Variants in DLX6 observed in about 807,000 individuals in gnomAD.
DLX6 encodes the protein homeobox protein DLX-6.
DLX6 carries 4 observed loss-of-function variants against 33.5 expected under a neutral mutation model. The ratio of observed to expected loss-of-function variants is 0.12; its 90% CI spans 0.06 to 0.27. The LOEUF is 0.27. Among genes scored for constraint, DLX6 ranks in the 10% least tolerant of loss-of-function variants. The probability of loss-of-function intolerance (pLI) is 1.00; values close to 1 mark genes in which losing one functional copy is unlikely to be tolerated. For missense variants in DLX6, 382 were observed against 393.3 expected, an observed-to-expected ratio of 0.97 and a Z score of 0.24; for synonymous variants, 184 against 164.8, an observed-to-expected ratio of 1.12 and a Z score of -0.89.
chr7:97,007,507 G>A, intron 1 of DLX6, 131 bp from the exon 2 acceptor site: 1 of 822,498 alleles, frequency 1.2e-6, no homozygotes, highest in South Asian at 1.4e-5. Context: ...AGAGAGGTCG[G>A]GGCATCATAG....
rs1476743749 is a variant in DLX6, at chr7:97,006,022, C to T, written c.45C>T (p.Asp15=). 1 of 1,598,102 alleles carries T rather than the reference C, an allele frequency of 6.3e-7. No homozygotes were observed. Among genetic ancestry groups the T allele is most frequent in the South Asian group, 1.1e-5 (1 of 88,272 alleles). ...TGGCTGACGGCTTGGAAGGCCAGGACTCGTCCAAATCCGCCTTCATGGAGT... is the reference window on the plus strand; with the variant it reads ...TGGCTGACGGCTTGGAAGGCCAGGATTCGTCCAAATCCGCCTTCATGGAGT... The part of the protein sequence containing the change: ...TTMADGLEGQ[D]SSKSAFMEFG... The change falls in exon 1 of 3, where the codon GAC becomes GAT. Residue 15 remains aspartate (D), a synonymous_variant. Coordinates refer to ENST00000518156, the MANE Select transcript of DLX6 (RefSeq NM_005222.4).
rs760717278 is a variant in DLX6, at chr7:97,007,768, A to G, written c.567A>G (p.Thr189=). The G allele has an allele frequency of 6.2e-7, 1 of 1,612,384 alleles. No individual in the cohort carries two copies. The highest frequency in any genetic ancestry group is 1.1e-5 in the South Asian group (1 of 90,476). ...LQALNHRFQQ[T]QYLALPERAE... is the part of the protein sequence containing the mutation. ...CTTTAAACCATCGCTTTCAGCAGAC[A>G]CAGTATCTGGCCCTTCCAGAGAGAG... The change falls in exon 2 of 3, where the codon ACA becomes ACG. Residue 189 remains threonine (T), a synonymous_variant. Coordinates refer to ENST00000518156, the MANE Select transcript of DLX6 (RefSeq NM_005222.4).
chr7:97,008,218 G>A (rs1789778969), intron 2 of DLX6, among the ~76,000 whole-genome samples: 1 of 152,174 alleles, frequency 6.6e-6, no homozygotes, highest in South Asian at 2.1e-4. Flanking sequence ...CCTTTTGTAG[G>A]CCCTGGGAAC....
chr7:97,009,785 A>G lies in DLX6; in HGVS notation c.631-11A>G. 6.2e-7 allele frequency: 1 copy of G among 1,611,562 alleles called. No homozygotes were observed. The highest frequency in any genetic ancestry group is 1.1e-5 in the South Asian group (1 of 91,042). On this transcript the variant is annotated splice_polypyrimidine_tract_variant and intron_variant, in intron 2 of 2. Transcript: ENST00000518156. ...TGTTTATGGGCCTAATGATTGCTGCATTTCTTGCAGGTGAAGATATGGTTT... is the reference window on the plus strand; with the variant it reads ...TGTTTATGGGCCTAATGATTGCTGCGTTTCTTGCAGGTGAAGATATGGTTT...
chr7:97,006,547 C>T (rs1789737254), intron 1 of DLX6, 134 bp downstream of exon 1: 5 of 956,838 alleles, frequency 5.2e-6, no homozygotes, highest in Non-Finnish European at 5.3e-6. Context: ...CTTGGCCGGG[C>T]CCCGTGCGCG....
Position 97,005,797 on chromosome 7 carries a change from A to T in DLX6, c.-181A>T. 2.2e-6 allele frequency: 1 copy of T among 448,762 alleles called. No individual in the cohort carries two copies. Among genetic ancestry groups the T allele is most frequent in the South Asian group, 4.5e-5 (1 of 22,404 alleles). The allele number at this position is 448,762 out of a possible 1,614,324, so 27.8% of individuals were successfully genotyped here. On this transcript the variant is annotated 5_prime_UTR_variant, in exon 1 of 3. Coordinates refer to ENST00000518156, the MANE Select transcript of DLX6 (RefSeq NM_005222.4). ...TATTAAATATATATATATATTAGAG[A>T]AGAGCGAGGGAGAGGGAGAACCACC...
At chr7:97,006,742 C>T (rs1446561963) in intron 1 of DLX6, 2 of 155,036 alleles carry the variant, frequency 1.3e-5, no homozygotes. Context: ...CTTGCTCCTT[C>T]CCTCCAGGCT....
chr7:97,005,867 T>TTTTTTAG lies in DLX6; in HGVS notation c.-111_-110insTTTTTAG. On this transcript the variant is annotated 5_prime_UTR_variant, in exon 1 of 3. Coordinates refer to ENST00000518156, the MANE Select transcript of DLX6 (RefSeq NM_005222.4). ...TCTTTTTTTTTTTTTTTTTTTTTTT[T>TTTTTTAG]GCAAGGATCCAAAGAGCTAAGGTGG... 1 of 252,440 alleles carries TTTTTTAG rather than the reference T, an allele frequency of 4.0e-6. No homozygotes were observed. Among genetic ancestry groups the TTTTTTAG allele is most frequent in the East Asian group, 5.3e-5 (1 of 18,956 alleles). 15.6% of individuals were successfully genotyped at this position (252,440 alleles called of 1,614,324 possible).
chr7:97,007,075 G>C lies in DLX6; in HGVS notation c.437-563G>C, dbSNP rs977626482. ...GCTGATGGTTCTCAGCACCCGAGGG[G>C]GACAAAGTTGCCGTGAGAGGCGCAG... On this transcript the variant is annotated intron_variant, in intron 1 of 2. Coordinates refer to ENST00000518156, the MANE Select transcript of DLX6 (RefSeq NM_005222.4). 6 of 168,612 alleles carry C rather than the reference G, an allele frequency of 3.6e-5. No homozygotes were observed. In the East Asian group the frequency reaches 1.0e-3, roughly 29 times the overall value. 10.4% of individuals were successfully genotyped at this position (168,612 alleles called of 1,614,324 possible). A position where few individuals can be genotyped will look rare whatever the true frequency, so the allele number is the denominator to read the frequency against.
At position 97,007,619 on chromosome 7, in the gene DLX6, CTG is replaced by C. The variant is rs1789767780; in HGVS notation, c.437-17_437-16del. ...AGTAGCCTCCCGGGTGACCGCTCCT[CTG>C]TATTATTTGCTTACAGATCAACAAA... is the stretch of plus-strand genomic sequence containing the variant. On this transcript the variant is annotated splice_polypyrimidine_tract_variant and intron_variant, in intron 1 of 2. Coordinates refer to ENST00000518156, the MANE Select transcript of DLX6 (RefSeq NM_005222.4). 1 of 1,596,996 alleles carries C rather than the reference CTG, an allele frequency of 6.3e-7. No homozygotes were observed. The highest frequency in any genetic ancestry group is 8.5e-7 in the Non-Finnish European group (1 of 1,171,304).
rs1247417712 is a variant in DLX6 at position 97,006,100 on chromosome 7, A to ACAGCAGCAGCAGCAGCAG, written c.128_129insGCAGCAGCAGCAGCAGCA (p.Gln39_Gln44dup). 7.2e-5 allele frequency: 112 copies of ACAGCAGCAGCAGCAGCAG among 1,545,776 alleles called. No individual in the cohort carries two copies. Among genetic ancestry groups the ACAGCAGCAGCAGCAGCAG allele is most frequent in the East Asian group, 3.7e-4 (15 of 40,970 alleles). ...AACAGCAGCAGCAGCAGCAGCAGCA[A>ACAGCAGCAGCAGCAGCAG]CAGCAACAGCCGCCGCCGCCGCCGC... On this transcript the variant is annotated inframe_insertion, in exon 1 of 3. Transcript: ENST00000518156.
chr7:97,005,955 T>G lies in DLX6; in HGVS notation c.-23T>G. 1 of 1,542,220 alleles carries G rather than the reference T, an allele frequency of 6.5e-7. No homozygotes were observed. Among genetic ancestry groups the G allele is most frequent in the South Asian group, 1.2e-5 (1 of 81,658 alleles). ...GGTGGAGGAAACCCGGGAGAAGGCTTTCTCCAGCCCCCAAAGTTTTTGATG... is the reference window on the plus strand; with the variant it reads ...GGTGGAGGAAACCCGGGAGAAGGCTGTCTCCAGCCCCCAAAGTTTTTGATG... On this transcript the variant is annotated 5_prime_UTR_variant, in exon 1 of 3. Coordinates refer to ENST00000518156, the MANE Select transcript of DLX6 (RefSeq NM_005222.4).
intron 2 of DLX6, among the ~76,000 whole-genome samples, chr7:97,009,078 G>A (rs943662435): frequency 6.6e-6 from 1 of 152,162 alleles, no homozygotes; most frequent in African/African-American, 2.4e-5. Context: ...TAACAATCAT[G>A]TGATGATCCT....
In DLX6 at chr7:97,007,816, A is replaced by G; in HGVS notation, c.615A>G (p.Gly205=). The G allele has an allele frequency of 6.2e-7, 1 of 1,601,100 alleles. No individual in the cohort carries two copies. Among genetic ancestry groups the G allele is most frequent in the Non-Finnish European group, 8.5e-7 (1 of 1,174,142 alleles). The change falls in exon 2 of 3, where the codon GGA becomes GGG. Residue 205 remains glycine (G), a synonymous_variant. Transcript: ENST00000518156. ...PERAELAASL[G]LTQTQVKIWF... ...GAGCCGAACTGGCAGCTTCCTTAGG[A>G]CTGACACAAACACAGGTAATTCCCG...
Position 97,006,267 on chromosome 7 carries a change from G to C in DLX6, c.290G>C (p.Gly97Ala), listed in dbSNP as rs1173379022. 11 of 1,528,434 alleles carry C rather than the reference G, an allele frequency of 7.2e-6. No homozygotes were observed. 94.7% of individuals were successfully genotyped at this position (1,528,434 alleles called of 1,614,324 possible). ...CACCACCACCAGCACCACCACCACG[G>C]CTCGCCCTACGCGTCGGGCGGAGGG... is the stretch of plus-strand genomic sequence containing the variant. ...HHHHHQHHHH[G>A]SPYASGGGNS... Residue 97 changes from glycine to alanine, a missense_variant, in exon 1 of 3, where the codon GGC becomes GCC. Coordinates refer to ENST00000518156, the MANE Select transcript of DLX6 (RefSeq NM_005222.4).
intron 2 of DLX6, among the ~76,000 whole-genome samples, chr7:97,008,525 TAAGTA>T (rs1789784595): frequency 6.6e-6 from 1 of 152,190 alleles, no homozygotes; most frequent in Non-Finnish European, 1.5e-5. Context: ...AAGCCACAGT[TAAGTA>T]CAGTTACTGA....
chr7:97,009,028 G>A (rs1314703715), intron 2 of DLX6, among the ~76,000 whole-genome samples: 1 of 152,114 alleles, frequency 6.6e-6, no homozygotes, highest in Non-Finnish European at 1.5e-5. Context: ...CCCGATTCAC[G>A]TTTAATTTTC....
intron 2 of DLX6, among the ~76,000 whole-genome samples, chr7:97,008,491 A>C (rs1789783893): frequency 1.3e-5 from 2 of 152,226 alleles, no homozygotes; most frequent in African/African-American, 2.4e-5. Flanking sequence ...TCAAAGAGAA[A>C]TGTTACCAAA....
Position 97,010,078 on chromosome 7 carries a change from C to T in DLX6, c.*31C>T. The T allele has an allele frequency of 5.8e-6, 9 of 1,561,502 alleles. No individual in the cohort carries two copies. Among genetic ancestry groups the T allele is most frequent in the Non-Finnish European group, 7.8e-6 (9 of 1,151,946 alleles). On this transcript the variant is annotated 3_prime_UTR_variant, in exon 3 of 3. Coordinates refer to ENST00000518156, the MANE Select transcript of DLX6 (RefSeq NM_005222.4). ...CCAAGGGAACACCCTAGGGAAACGT[C>T]TGAACAAGGAAAAGAGGATCCGGGA...
Sources: gnomAD v4.1 joint callset for allele counts (sites outside exome capture counted in the v4.1 genomes callset) on GRCh38, gnomAD v4.1.1 for gene constraint, MANE v1.5 for transcripts, NCBI Gene and HGNC (gene_info 2026-07-23, HGNC 2026-07-21) for gene names.